KIAA0319: variants seen among roughly 807,000 people sequenced by gnomAD.
KIAA0319 encodes the protein dyslexia-associated protein KIAA0319.
KIAA0319 carries 83 observed loss-of-function variants against 108.4 expected under a neutral mutation model. The ratio of observed to expected loss-of-function variants is 0.77; its 90% CI spans 0.64 to 0.92. KIAA0319 has a LOEUF of 0.92. Among genes scored for constraint, KIAA0319 ranks in the 40% least tolerant of loss-of-function variants. The pLI is 0.00. For synonymous variants in KIAA0319, 484 were observed against 510.4 expected (o/e 0.95, Z 0.70); for missense variants, 1,195 against 1,322.4 (o/e 0.90, Z 1.49).
chr6:24,589,014 T>G (rs1008515062), intron 3 of KIAA0319, among the ~76,000 whole-genome samples: 1 of 152,106 alleles, frequency 6.6e-6, no homozygotes, highest in Non-Finnish European at 1.5e-5. Flanking sequence ...ATAGGTGAAC[T>G]CACACAAACA....
chr6:24,590,363 T>C (rs1445713500), intron 3 of KIAA0319, among the ~76,000 whole-genome samples: 3 of 151,206 alleles, frequency 2.0e-5, no homozygotes, highest in Non-Finnish European at 4.4e-5. Context: ...GGGAAACCAA[T>C]TGACCAACAT....
chr6:24,565,004 T>C (rs555685423), intron 14 of KIAA0319, among the ~76,000 whole-genome samples: 59 of 152,188 alleles, frequency 3.9e-4, no homozygotes, highest in Admixed American at 1.5e-3. Flanking sequence ...TCCCACCACT[T>C]TGGGAGGCAA....
chr6:24,598,913 G>A (rs564141535), intron 2 of KIAA0319: 13 of 443,146 alleles, frequency 2.9e-5, no homozygotes, highest in East Asian at 1.2e-4. Flanking sequence ...TAATTTTAGC[G>A]ATGGAGAATG....
intron 14 of KIAA0319, among the ~76,000 whole-genome samples, chr6:24,566,115 A>G (rs1763867572): frequency 6.6e-6 from 1 of 152,224 alleles, no homozygotes; most frequent in Non-Finnish European, 1.5e-5. Flanking sequence ...AGCACCTTAC[A>G]GGGAACAGGG....
At chr6:24,629,513 T>TTAAAAAAAAAAAA (rs1582317464) in intron 1 of KIAA0319, among the ~76,000 whole-genome samples, 1 of 12,122 alleles carries the variant, frequency 8.2e-5, no homozygotes, top group Non-Finnish European at 1.3e-4. Context: ...AGACTCTGTC[T>TTAAAAAAAAAAAA]CAAAAAAAAA....
intron 1 of KIAA0319, among the ~76,000 whole-genome samples, chr6:24,628,874 G>A (rs1429858859): frequency 2.6e-5 from 4 of 152,020 alleles, no homozygotes; most frequent in African/African-American, 7.2e-5. Flanking sequence ...GGCACCAGTC[G>A]CAGTGGATAA....
At position 24,564,287 on chromosome 6, in the gene KIAA0319, C is replaced by T. The variant is rs1325939236; in HGVS notation, c.2346G>A (p.Val782=). Residue 782 remains valine, a synonymous_variant, in exon 15 of 21, where the codon GTG becomes GTA. Coordinates refer to ENST00000378214, the MANE Select transcript of KIAA0319 (RefSeq NM_014809.4). The part of the protein sequence containing the change: ...HSVALQLTNL[V]EGVYTFHLRV... ...GCAAGTGGAAAGTGTACACCCCCTC[C>T]ACCAGATTCGTAAGCTGCAGAGCCA... The T allele has an allele frequency of 6.2e-7, 1 of 1,614,068 alleles. No individual in the cohort carries two copies. The highest frequency in any genetic ancestry group is 8.5e-7 in the Non-Finnish European group (1 of 1,180,026).
chr6:24,610,524 C>G (rs1224013241), intron 1 of KIAA0319, among the ~76,000 whole-genome samples: 1 of 152,200 alleles, frequency 6.6e-6, no homozygotes, highest in Admixed American at 6.5e-5. Flanking sequence ...TTTGGTAGCT[C>G]TTCAAACAGT....
In KIAA0319 at chr6:24,602,271, C is replaced by T. The variant is rs75493155; in HGVS notation, c.-105-1063G>A. Among the ~76,000 whole-genome samples, 713 of 152,290 alleles carry T rather than the reference C, an allele frequency of 4.7e-3. 10 individuals carry two copies. The highest frequency in any genetic ancestry group is 0.016 in the African/African-American group (668 of 41,556). On this transcript the variant is annotated intron_variant, in intron 1 of 20. Coordinates refer to ENST00000378214, the MANE Select transcript of KIAA0319 (RefSeq NM_014809.4). ...GCCTCAAGTGATCTGCCCGTCTTGG[C>T]CTCTCAACGATTACAGGCGTGAGCC... is the stretch of plus-strand genomic sequence containing the variant.
intron 11 of KIAA0319, among the ~76,000 whole-genome samples, chr6:24,571,234 T>C (rs1240491454): frequency 6.7e-6 from 1 of 149,368 alleles, no homozygotes; most frequent in Non-Finnish European, 1.5e-5. Flanking sequence ...TATAAATAGA[T>C]AAAATATGTG....
At chr6:24,555,273 G>A (rs958080757) in intron 18 of KIAA0319, among the ~76,000 whole-genome samples, 8 of 152,188 alleles carry the variant, frequency 5.3e-5, no homozygotes, top group African/African-American at 1.4e-4. Context: ...GAACGGGGCA[G>A]ATGACTTGAG....
At chr6:24,555,771 G>A (rs1467215367) in intron 18 of KIAA0319, among the ~76,000 whole-genome samples, 1 of 152,170 alleles carries the variant, frequency 6.6e-6, no homozygotes, top group Non-Finnish European at 1.5e-5. Flanking sequence ...GTGCCTGCCT[G>A]TGTGAACAGC....
chr6:24,583,744 A>G (rs1218120844), intron 4 of KIAA0319, 42 bp from the exon 5 acceptor site: 6 of 1,225,670 alleles, frequency 4.9e-6, no homozygotes, highest in Non-Finnish European at 7.2e-6. Flanking sequence ...TATATAATAT[A>G]ATGTGTTACA....
chr6:24,600,326 T>C (rs1027096018), intron 2 of KIAA0319, among the ~76,000 whole-genome samples: 1 of 152,136 alleles, frequency 6.6e-6, no homozygotes. Flanking sequence ...GGGGAGTAAG[T>C]GATCTACAAG....
intron 1 of KIAA0319, among the ~76,000 whole-genome samples, chr6:24,630,408 C>A (rs1375590554): frequency 6.7e-6 from 1 of 149,232 alleles, no homozygotes; most frequent in Non-Finnish European, 1.5e-5. Flanking sequence ...ACTTGGGAGG[C>A]TGAGGCAGGA....
At chr6:24,572,554 A>G in intron 11 of KIAA0319, 21 bp downstream of exon 11, 3 of 1,605,406 alleles carry the variant, frequency 1.9e-6, no homozygotes, top group Non-Finnish European at 2.5e-6. Flanking sequence ...CTGAGGCCAA[A>G]TCTCTTTCTC....
chr6:24,631,149 T>C (rs1027370991), intron 1 of KIAA0319, among the ~76,000 whole-genome samples: 3 of 152,240 alleles, frequency 2.0e-5, no homozygotes, highest in Admixed American at 2.0e-4. Flanking sequence ...AATATATTCC[T>C]AGTTCAATTT....
At chr6:24,554,919 T>G (rs1353632446) in intron 18 of KIAA0319, among the ~76,000 whole-genome samples, 1 of 152,204 alleles carries the variant, frequency 6.6e-6, no homozygotes, top group Non-Finnish European at 1.5e-5. Flanking sequence ...ATTAGTCAAT[T>G]ACATAGTAAT....
chr6:24,608,787 C>A (rs184580775), intron 1 of KIAA0319, among the ~76,000 whole-genome samples: 1 of 151,474 alleles, frequency 6.6e-6, no homozygotes, highest in African/African-American at 2.4e-5. Context: ...AAAAATTAGT[C>A]GGGCATGGTG....
Sources: gnomAD v4.1 joint callset for allele counts (sites outside exome capture counted in the v4.1 genomes callset) on GRCh38, gnomAD v4.1.1 for gene constraint, MANE v1.5 for transcripts, NCBI Gene and HGNC (gene_info 2026-07-23, HGNC 2026-07-21) for gene names.